Variants in CADM1 observed in about 807,000 individuals in gnomAD.
CADM1 encodes TSLC-1.
Under a neutral mutation model 53.1 loss-of-function variants are expected in CADM1, and 15 were observed. The ratio of observed to expected loss-of-function variants is 0.28; its 90% CI spans 0.19 to 0.44. CADM1 has a LOEUF of 0.44. Ranked by LOEUF, CADM1 falls within the 20% of genes least tolerant of loss-of-function variation. CADM1 has a pLI of 1.00. For missense variants in CADM1, 434 were observed against 611.3 expected (o/e 0.71, Z 3.06); for synonymous variants, 281 against 243.0 (o/e 1.16, Z -1.45).
intron 1 of CADM1, among the ~76,000 whole-genome samples, chr11:115,361,091 T>C (rs985854186): frequency 6.6e-6 from 1 of 152,204 alleles, no homozygotes; most frequent in Admixed American, 6.5e-5. Context: ...TCTCAAATTC[T>C]GCAAGAGCAG....
chr11:115,253,886 T>C (rs191911976), intron 1 of CADM1, among the ~76,000 whole-genome samples: 1 of 152,362 alleles, frequency 6.6e-6, no homozygotes, highest in African/African-American at 2.4e-5. Context: ...TTTATAGGGT[T>C]ATTTCCTTCA....
chr11:115,359,398 T>A (rs1945968788), intron 1 of CADM1, among the ~76,000 whole-genome samples: 1 of 152,174 alleles, frequency 6.6e-6, no homozygotes, highest in South Asian at 2.1e-4. Context: ...GAGATGATAT[T>A]GCTCGAGAAC....
In CADM1 at chr11:115,175,150, T is replaced by C; in HGVS notation, c.*1324A>G. 1.0e-6 allele frequency: 1 copy of C among 985,842 alleles called. No individual in the cohort carries two copies. Among genetic ancestry groups the C allele is most frequent in the Non-Finnish European group, 1.2e-6 (1 of 829,906 alleles). 61.1% of individuals were successfully genotyped at this position (985,842 alleles called of 1,614,324 possible). On this transcript the variant is annotated 3_prime_UTR_variant, in exon 12 of 12. Transcript: ENST00000331581. The stretch of plus-strand genomic sequence containing the variant: ...GATTAAGTAACTGAAAATCCGTACA[T>C]GCTGTTTTTCCACCTCTGCTCTGAC...
At chr11:115,247,924 T>C (rs558580521) in intron 1 of CADM1, among the ~76,000 whole-genome samples, 1 of 152,304 alleles carries the variant, frequency 6.6e-6, no homozygotes, top group Admixed American at 6.5e-5. Flanking sequence ...TGGAAAGAAT[T>C]ATGTAAATTA....
intron 1 of CADM1, among the ~76,000 whole-genome samples, chr11:115,468,646 G>A (rs1247188007): frequency 6.6e-6 from 1 of 152,136 alleles, no homozygotes; most frequent in Non-Finnish European, 1.5e-5. Context: ...TGGGTTTTGA[G>A]TTTTTAGAAA....
intron 1 of CADM1, chr11:115,340,289 T>A (rs1160127210): frequency 4.6e-5 from 7 of 152,128 alleles, no homozygotes; most frequent in Non-Finnish European, 1.0e-4. Flanking sequence ...TTTGCTTTTA[T>A]GGCATTTGGG....
At chr11:115,430,724 A>G (rs1304798953) in intron 1 of CADM1, among the ~76,000 whole-genome samples, 3 of 152,180 alleles carry the variant, frequency 2.0e-5, no homozygotes, top group Non-Finnish European at 2.9e-5. Flanking sequence ...CCGCAGGACC[A>G]GAGATTTGGT....
intron 1 of CADM1, among the ~76,000 whole-genome samples, chr11:115,502,631 G>GA (rs988230376): frequency 9.9e-5 from 15 of 151,894 alleles, no homozygotes; most frequent in Admixed American, 2.6e-4. Flanking sequence ...TGGCATGGAG[G>GA]AAAAAAACCC....
chr11:115,357,898 C>CT (rs1261884858), intron 1 of CADM1, among the ~76,000 whole-genome samples: 1 of 152,046 alleles, frequency 6.6e-6, no homozygotes, highest in Non-Finnish European at 1.5e-5. Flanking sequence ...AAAAGTCTGT[C>CT]TTTTGGGAGC....
At chr11:115,474,478 G>C (rs1706880) in intron 1 of CADM1, among the ~76,000 whole-genome samples, 6 of 151,714 alleles carry the variant, frequency 4.0e-5, no homozygotes, top group African/African-American at 1.5e-4. Flanking sequence ...ACTGGATTAA[G>C]AAAATGTGGC....
At chr11:115,502,672 G>GC (rs973977522) in intron 1 of CADM1, among the ~76,000 whole-genome samples, 2 of 152,050 alleles carry the variant, frequency 1.3e-5, no homozygotes, top group African/African-American at 4.8e-5. Flanking sequence ...GCTGCCAGAC[G>GC]CCCCCCAATA....
At chr11:115,284,114 C>CTCTCTCTCTCTCTGTGTGTGTGTGTG (rs1351842329) in intron 1 of CADM1, among the ~76,000 whole-genome samples, 1 of 98,616 alleles carries the variant, frequency 1.0e-5, no homozygotes, top group Non-Finnish European at 2.1e-5. Flanking sequence ...CTCTCTCTCT[C>CTCTCTCTCTCTCTGTGTGTGTGTGTG]TGTGTGTGTG....
chr11:115,298,493 G>A (rs998478796), intron 1 of CADM1, among the ~76,000 whole-genome samples: 1 of 152,126 alleles, frequency 6.6e-6, no homozygotes, highest in Non-Finnish European at 1.5e-5. Flanking sequence ...AAAGACAGAT[G>A]GTCCTCTTTA....
chr11:115,458,639 C>T (rs1948731235), intron 1 of CADM1, among the ~76,000 whole-genome samples: 1 of 151,748 alleles, frequency 6.6e-6, no homozygotes, highest in Non-Finnish European at 1.5e-5. Context: ...TGTTTTCCCC[C>T]CATCCACATT....
intron 1 of CADM1, among the ~76,000 whole-genome samples, chr11:115,323,693 TTAG>T (rs1424526795): frequency 1.3e-5 from 2 of 152,132 alleles, no homozygotes; most frequent in Non-Finnish European, 2.9e-5. Flanking sequence ...TTATTTGGAC[TTAG>T]TAGTAGAGAG....
chr11:115,282,082 T>G (rs1372679634), intron 1 of CADM1, among the ~76,000 whole-genome samples: 2 of 152,102 alleles, frequency 1.3e-5, no homozygotes, highest in Non-Finnish European at 2.9e-5. Context: ...GCTTTATTAT[T>G]TTTTTTGGTA....
Position 115,400,683 on chromosome 11 carries a change from A to G in CADM1, c.124+103588T>C, listed in dbSNP as rs1313577923. Among the ~76,000 whole-genome samples the G allele has an allele frequency of 9.3e-3, 481 of 51,924 alleles. 3 individuals carry two copies. Among genetic ancestry groups the G allele is most frequent in the African/African-American group, 0.024 (453 of 19,086 alleles). 34.1% of individuals were successfully genotyped at this position (51,924 alleles called of 152,430 possible). Reference sequence around the variant, plus strand: ...TGTGTATATATATATATATATATATATATATATATATATATATATATATGC... The same window carrying G: ...TGTGTATATATATATATATATATATGTATATATATATATATATATATATGC... On this transcript the variant is annotated intron_variant, in intron 1 of 11. Transcript: ENST00000331581.
intron 1 of CADM1, among the ~76,000 whole-genome samples, chr11:115,422,990 T>C (rs980081836): frequency 7.2e-5 from 11 of 151,872 alleles, no homozygotes; most frequent in African/African-American, 2.4e-4. Context: ...AGAAAGTTAC[T>C]GAACACAGTA....
intron 1 of CADM1, among the ~76,000 whole-genome samples, chr11:115,261,324 C>T (rs1942967637): frequency 1.3e-5 from 2 of 152,162 alleles, no homozygotes; most frequent in Admixed American, 1.3e-4. Context: ...TGAACCCATA[C>T]ATTAAGAGTC....
Sources: allele counts gnomAD v4.1 joint callset (sites outside exome capture counted in the v4.1 genomes callset), GRCh38; gene constraint gnomAD v4.1.1; transcripts MANE v1.5; gene names NCBI Gene and HGNC (gene_info 2026-07-23, HGNC 2026-07-21).